Variants in RIMS1 observed in about 807,000 individuals in gnomAD.
The protein encoded by RIMS1 is regulating synaptic membrane exocytosis protein 1.
A neutral mutation model predicts 214.1 loss-of-function variants in RIMS1; 83 were observed. The observed-to-expected ratio is 0.39, with a 90% CI of 0.32 to 0.47. RIMS1 has a LOEUF of 0.47. Among genes scored for constraint, RIMS1 ranks in the 20% least tolerant of loss-of-function variants. The probability of loss-of-function intolerance (pLI) is 0.99; values close to 1 mark genes in which losing one functional copy is unlikely to be tolerated. For missense variants in RIMS1, 2,050 were observed against 2,161.8 expected (o/e 0.95, Z 1.03); for synonymous variants, 793 against 786.8 (o/e 1.01, Z -0.13).
chr6:72,324,029 T>TAGAC (rs1316767427), intron 28 of RIMS1, among the ~76,000 whole-genome samples: 1 of 69,922 alleles, frequency 1.4e-5, no homozygotes, highest in East Asian at 3.4e-4. Flanking sequence ...CATGCATGCA[T>TAGAC]AGATAGATAG....
At chr6:71,991,274 A>T (rs900441077) in intron 2 of RIMS1, among the ~76,000 whole-genome samples, 3 of 152,090 alleles carry the variant, frequency 2.0e-5, no homozygotes, top group Non-Finnish European at 4.4e-5. Flanking sequence ...AAAAAAAAAA[A>T]CTTTAGTTTT....
At chr6:71,905,743 C>A (rs1295902596) in intron 1 of RIMS1, among the ~76,000 whole-genome samples, 1 of 152,080 alleles carries the variant, frequency 6.6e-6, no homozygotes, top group Non-Finnish European at 1.5e-5. Flanking sequence ...GTGCAGTTAT[C>A]CCAGAGTGTT....
intron 4 of RIMS1, among the ~76,000 whole-genome samples, chr6:72,146,374 G>C (rs2042756114): frequency 6.6e-6 from 1 of 152,242 alleles, no homozygotes; most frequent in Admixed American, 6.5e-5. Flanking sequence ...TTGTTCAAGA[G>C]GTAGAAAGCT....
chr6:72,023,296 ATACT>A (rs1815294120), intron 2 of RIMS1, among the ~76,000 whole-genome samples: 1 of 152,184 alleles, frequency 6.6e-6, no homozygotes, highest in African/African-American at 2.4e-5. Flanking sequence ...GAACAGTGTC[ATACT>A]TACGTGTTGT....
chr6:71,984,785 C>G (rs200571149), intron 2 of RIMS1, among the ~76,000 whole-genome samples: 5,755 of 93,472 alleles, frequency 0.062, 144 homozygotes, highest in Middle Eastern at 0.095. Flanking sequence ...ATCTATCTAT[C>G]TATCTATCTA....
chr6:72,120,869 A>G (rs1343743339), intron 4 of RIMS1, among the ~76,000 whole-genome samples: 2 of 151,966 alleles, frequency 1.3e-5, no homozygotes, highest in African/African-American at 4.8e-5. Context: ...CTTTCTACAT[A>G]TAGCTAGCCA....
At chr6:72,013,498 G>A (rs1174822473) in intron 2 of RIMS1, among the ~76,000 whole-genome samples, 2 of 152,108 alleles carry the variant, frequency 1.3e-5, no homozygotes, top group Non-Finnish European at 2.9e-5. Context: ...GAAAAAGACT[G>A]ACCTGGGAAC....
chr6:72,348,379 C>G (rs1025988260), intron 29 of RIMS1, among the ~76,000 whole-genome samples: 1 of 151,854 alleles, frequency 6.6e-6, no homozygotes, highest in African/African-American at 2.4e-5. Context: ...CAATCCCCAA[C>G]GTTTACTGTC....
At position 72,261,398 on chromosome 6, in the gene RIMS1, A is replaced by G. The variant is rs41265497; in HGVS notation, c.3116+631A>G. On this transcript the variant is annotated intron_variant, in intron 19 of 33. Coordinates refer to ENST00000521978, the MANE Select transcript of RIMS1 (RefSeq NM_014989.7). ...CATATAACAGTATGAATGCCTCTTT[A>G]GAAGCGACAAAAGATATAATTTTTG... 4.2e-5 allele frequency: 41 copies of G among 985,552 alleles called. No homozygotes were observed. The African/African-American group carries it at 6.6e-4, about 16-fold the overall frequency. 61.1% of individuals were successfully genotyped at this position (985,552 alleles called of 1,614,324 possible).
At chr6:71,992,783 C>T (rs571990113) in intron 2 of RIMS1, among the ~76,000 whole-genome samples, 2 of 152,062 alleles carry the variant, frequency 1.3e-5, no homozygotes, top group South Asian at 4.1e-4. Flanking sequence ...TCTCAGTGTC[C>T]CAGGTAGCTG....
intron 2 of RIMS1, among the ~76,000 whole-genome samples, chr6:71,989,895 C>T (rs1801081277): frequency 6.6e-6 from 1 of 151,978 alleles, no homozygotes; most frequent in Admixed American, 6.6e-5. Flanking sequence ...CACACTAACC[C>T]TCACTCAAAG....
intron 28 of RIMS1, among the ~76,000 whole-genome samples, chr6:72,324,331 A>C (rs943386314): frequency 6.6e-6 from 1 of 152,016 alleles, no homozygotes; most frequent in Admixed American, 6.6e-5. Context: ...CAGATCTTGC[A>C]TTATTTTGAA....
chr6:72,284,399 AT>A (rs1438999265), intron 24 of RIMS1, among the ~76,000 whole-genome samples: 2 of 152,178 alleles, frequency 1.3e-5, no homozygotes, highest in Non-Finnish European at 2.9e-5. Flanking sequence ...ACTCATTCCT[AT>A]ATACATATTA....
intron 22 of RIMS1, among the ~76,000 whole-genome samples, chr6:72,271,676 C>T (rs1362879043): frequency 6.6e-6 from 1 of 152,064 alleles, no homozygotes; most frequent in Non-Finnish European, 1.5e-5. Flanking sequence ...ACATAAGTAT[C>T]ATTTAATTGC....
At chr6:71,893,781 TTTCTGC>T (rs1770722878) in intron 1 of RIMS1, among the ~76,000 whole-genome samples, 1 of 152,192 alleles carries the variant, frequency 6.6e-6, no homozygotes, top group Non-Finnish European at 1.5e-5. Flanking sequence ...ATTTTAGATG[TTTCTGC>T]TTCTGTTGCA....
intron 2 of RIMS1, among the ~76,000 whole-genome samples, chr6:72,026,407 T>C (rs1232556942): frequency 6.6e-6 from 1 of 151,630 alleles, no homozygotes; most frequent in African/African-American, 2.4e-5. Flanking sequence ...AGCCTGGCAT[T>C]GTAGACTCAA....
intron 28 of RIMS1, among the ~76,000 whole-genome samples, chr6:72,324,237 A>G (rs576436236): frequency 6.6e-6 from 1 of 152,060 alleles, no homozygotes; most frequent in East Asian, 1.9e-4. Flanking sequence ...ATCTTGTGGT[A>G]GTTAAAACAT....
At chr6:72,016,334 T>A (rs984600224) in intron 2 of RIMS1, among the ~76,000 whole-genome samples, 14 of 152,190 alleles carry the variant, frequency 9.2e-5, no homozygotes, top group Non-Finnish European at 1.6e-4. Context: ...TCTGCTCATG[T>A]CTTTATTATT....
At position 72,128,467 on chromosome 6, in the gene RIMS1, A is replaced by G. The variant is rs532613228; in HGVS notation, c.471+28481A>G. ...GTATTTGCCCTTACAGAGCTTCCCT[A>G]TACCCAGAACACAGCCATCCTCTTA... is the stretch of plus-strand genomic sequence containing the variant. On this transcript the variant is annotated intron_variant, in intron 4 of 33. Coordinates refer to ENST00000521978, the MANE Select transcript of RIMS1 (RefSeq NM_014989.7). Among the ~76,000 whole-genome samples the G allele has an allele frequency of 6.0e-4, 92 of 152,114 alleles. 1 individual carries two copies. Among genetic ancestry groups the G allele is most frequent in the African/African-American group, 2.0e-3 (85 of 41,476 alleles).
Sources: allele counts gnomAD v4.1 joint callset (sites outside exome capture counted in the v4.1 genomes callset), GRCh38; gene constraint gnomAD v4.1.1; transcripts MANE v1.5; gene names NCBI Gene and HGNC (gene_info 2026-07-23, HGNC 2026-07-21).